The following ANK2 variants were observed in gnomAD, a reference collection of about 807,000 sequenced individuals.
ANK2 encodes the protein ankyrin-2.
ANK2 carries 83 observed loss-of-function variants against 360.5 expected under a neutral mutation model. The observed-to-expected ratio is 0.23, with a 90% CI of 0.19 to 0.28. ANK2 has a LOEUF of 0.28. Ranked by LOEUF, ANK2 falls within the 10% of genes least tolerant of loss-of-function variation. ANK2 has a pLI of 1.00. For synonymous variants in ANK2, 1,740 were observed against 1,759.5 expected (o/e 0.99, Z 0.28); for missense variants, 4,201 against 4,795.7 (o/e 0.88, Z 3.66).
chr4:112,973,390 G>A (rs917937515), intron 2 of ANK2, among the ~76,000 whole-genome samples: 44 of 152,304 alleles, frequency 2.9e-4, no homozygotes, highest in African/African-American at 9.9e-4. Flanking sequence ...AAAGCAAAGT[G>A]ATGTGCTCAA....
At chr4:113,292,318 G>A in intron 20 of ANK2, 98 bp from the exon 21 acceptor site, 1 of 1,101,580 alleles carries the variant, frequency 9.1e-7, no homozygotes, top group Non-Finnish European at 1.4e-6. Context: ...ATCTGTGATG[G>A]TTTTGTTGTA....
chr4:113,182,010 G>A (rs1385631321), intron 2 of ANK2, among the ~76,000 whole-genome samples: 1 of 152,174 alleles, frequency 6.6e-6, no homozygotes, highest in Non-Finnish European at 1.5e-5. Flanking sequence ...AAGGGCAGAA[G>A]CAGGGAACAC....
intron 1 of ANK2, among the ~76,000 whole-genome samples, chr4:112,850,020 G>C (rs2064287077): frequency 6.6e-6 from 1 of 152,062 alleles, no homozygotes; most frequent in African/African-American, 2.4e-5. Context: ...CTATCCTTGG[G>C]CATCAGAGCT....
chr4:113,154,586 A>T (rs1425280102), intron 1 of ANK2, among the ~76,000 whole-genome samples: 1 of 152,224 alleles, frequency 6.6e-6, no homozygotes, highest in Admixed American at 6.5e-5. Context: ...GACTAATGTG[A>T]AGTGTATCAA....
intron 1 of ANK2, among the ~76,000 whole-genome samples, chr4:113,070,643 T>C (rs2077209904): frequency 6.6e-6 from 1 of 152,030 alleles, no homozygotes; most frequent in Non-Finnish European, 1.5e-5. Flanking sequence ...AACCAACCAA[T>C]CCAACACTCT....
chr4:113,159,690 A>C (rs395351), intron 1 of ANK2, among the ~76,000 whole-genome samples: 47,841 of 151,498 alleles, frequency 0.32, 8,120 homozygotes, highest in Middle Eastern at 0.49. Context: ...CTCACTGTAA[A>C]CTTTGCCTCC....
intron 2 of ANK2, among the ~76,000 whole-genome samples, chr4:112,946,322 G>A (rs1214755122): frequency 6.6e-6 from 1 of 152,168 alleles, no homozygotes; most frequent in African/African-American, 2.4e-5. Flanking sequence ...TGGAGCACTG[G>A]GGAGTGAGCA....
intron 5 of ANK2, among the ~76,000 whole-genome samples, chr4:113,233,928 T>C (rs1344778485): frequency 6.6e-6 from 1 of 152,190 alleles, no homozygotes; most frequent in Non-Finnish European, 1.5e-5. Context: ...ATGATTACCA[T>C]GGGAATATCT....
intron 2 of ANK2, among the ~76,000 whole-genome samples, chr4:113,037,525 A>G (rs1488513674): frequency 6.6e-6 from 1 of 151,966 alleles, no homozygotes; most frequent in African/African-American, 2.4e-5. Context: ...AGCAGATACT[A>G]TATAGTAATT....
rs990952372 is a variant in ANK2, at chr4:113,242,349, T to C, written c.891+140T>C. 1.1e-5 allele frequency: 9 copies of C among 795,598 alleles called. No individual in the cohort carries two copies. The African/African-American group carries it at 1.5e-4, about 14-fold the overall frequency. The allele number at this position is 795,598 out of a possible 1,614,324, so 49.3% of individuals were successfully genotyped here. ...TTTATTGGAATTGATTTAAATCTCATACAACATTTAAAGGGTTCATACCGT... is the reference window on the plus strand; with the variant it reads ...TTTATTGGAATTGATTTAAATCTCACACAACATTTAAAGGGTTCATACCGT... On this transcript the variant is annotated intron_variant, in intron 9 of 45. Transcript: ENST00000357077.
At chr4:113,155,100 G>A (rs2097232845) in intron 1 of ANK2, among the ~76,000 whole-genome samples, 1 of 152,130 alleles carries the variant, frequency 6.6e-6, no homozygotes, top group East Asian at 1.9e-4. Flanking sequence ...ATCAATAATA[G>A]CTATCATTTA....
chr4:113,089,559 G>A (rs971287366), intron 1 of ANK2, among the ~76,000 whole-genome samples: 1 of 152,222 alleles, frequency 6.6e-6, no homozygotes, highest in African/African-American at 2.4e-5. Context: ...AGGCATGGTG[G>A]CTCATGCCTG....
At chr4:112,811,109 T>C in the ANK2 span, among the ~76,000 whole-genome samples, 2 of 151,924 alleles carry the variant, frequency 1.3e-5, no homozygotes, top group African/African-American at 2.4e-5. Flanking sequence ...TAATTTTTTT[T>C]TGTATTTTTA....
At chr4:113,179,498 A>T (rs1165507504) in intron 2 of ANK2, among the ~76,000 whole-genome samples, 1 of 152,218 alleles carries the variant, frequency 6.6e-6, no homozygotes, top group Non-Finnish European at 1.5e-5. Flanking sequence ...ATATGGGGAA[A>T]ATTCATAAAT....
intron 1 of ANK2, among the ~76,000 whole-genome samples, chr4:113,122,145 T>G (rs2095405652): frequency 6.6e-6 from 1 of 152,106 alleles, no homozygotes; most frequent in Non-Finnish European, 1.5e-5. Flanking sequence ...GAGTTGAAAG[T>G]TGTGTTATAA....
chr4:113,273,564 G>A (rs2059246755), intron 14 of ANK2, among the ~76,000 whole-genome samples: 1 of 152,136 alleles, frequency 6.6e-6, no homozygotes, highest in Non-Finnish European at 1.5e-5. Flanking sequence ...CTGAAAGTCA[G>A]CCCAGTTTTC....
At position 113,381,941 on chromosome 4, in the gene ANK2, A is replaced by T. The variant is rs555204892; in HGVS notation, c.*470A>T. 1.0e-4 allele frequency: 35 copies of T among 335,754 alleles called. 3 individuals are homozygous for T. Among genetic ancestry groups the T allele is most frequent in the South Asian group, 8.7e-4 (34 of 39,202 alleles). 20.8% of individuals were successfully genotyped at this position (335,754 alleles called of 1,614,324 possible). A position where few individuals can be genotyped will look rare whatever the true frequency, so the allele number is the denominator to read the frequency against. On this transcript the variant is annotated 3_prime_UTR_variant, in exon 46 of 46. Transcript: ENST00000357077. ...TTCTGCACAAGATCCATGAAAATCC[A>T]TTGATCAGAAGAACTTCACCTGCAG...
chr4:113,160,880 C>G (rs116773599), intron 1 of ANK2, among the ~76,000 whole-genome samples: 2,345 of 152,254 alleles, frequency 0.015, 55 homozygotes, highest in African/African-American at 0.053. Flanking sequence ...TGGACTTGGT[C>G]AAACTTGAGG....
the ANK2 span, among the ~76,000 whole-genome samples, chr4:112,783,881 C>G: frequency 1.3e-5 from 2 of 151,998 alleles, no homozygotes; most frequent in Non-Finnish European, 2.9e-5. Context: ...GATCTCCTGA[C>G]CTCGTGATCC....
Sources: gnomAD v4.1 joint callset for allele counts (sites outside exome capture counted in the v4.1 genomes callset) on GRCh38, gnomAD v4.1.1 for gene constraint, MANE v1.5 for transcripts, NCBI Gene and HGNC (gene_info 2026-07-23, HGNC 2026-07-21) for gene names.